Variants in RSRC2 observed in about 807,000 individuals in gnomAD.
The protein encoded by RSRC2 is arginine/serine-rich coiled-coil protein 2.
In RSRC2, 5 loss-of-function variants were observed where a neutral mutation model predicts 61.3. That is an observed-to-expected ratio of 0.08 (90% CI 0.04 to 0.17). The LOEUF (loss-of-function observed/expected upper bound fraction) is 0.17. Ranked by LOEUF, RSRC2 falls within the 10% of genes least tolerant of loss-of-function variation. The pLI is 1.00. For synonymous variants in RSRC2, 202 were observed against 166.5 expected (o/e 1.21, Z -1.64); for missense variants, 381 against 518.8 (o/e 0.73, Z 2.58).
chr12:122,519,376 AG>A (rs1959156916), intron 3 of RSRC2: 2 of 160,798 alleles, frequency 1.2e-5, no homozygotes, highest in South Asian at 2.8e-4. Flanking sequence ...TTCTAAATCC[AG>A]ATTACATAAT....
In RSRC2 at chr12:122,518,855, A is replaced by T; in HGVS notation, c.382T>A (p.Ser128Thr). Residue 128 changes from serine (S) to threonine (T), a missense_variant, in exon 4 of 10, where the codon TCT becomes ACT. Around this residue, in one of 4 missense-constraint regions of RSRC2, gnomAD observed 266 missense variants for 270.5 expected, o/e 0.98. Coordinates refer to ENST00000331738, the MANE Select transcript of RSRC2 (RefSeq NM_023012.6). ...KSSRGRSHSR[S>T]RSRERRHRSR... ...ATGACTTACCTTTCACGAGACCTAG[A>T]TCTTGAGTGACTTCTGCCTCTTGAT... 1.2e-6 allele frequency: 2 copies of T among 1,613,932 alleles called. No homozygotes were observed. The highest frequency in any genetic ancestry group is 1.7e-6 in the Non-Finnish European group (2 of 1,179,858).
chr12:122,517,475 T>C (rs1219695804), intron 4 of RSRC2, 45 bp from the exon 5 acceptor site: 1 of 1,611,470 alleles, frequency 6.2e-7, no homozygotes, highest in South Asian at 1.1e-5. Context: ...AAAGTTGTGT[T>C]GTTTCATTTA....
chr12:122,518,754 A>G, intron 4 of RSRC2, 85 bp downstream of exon 4: 2 of 1,059,090 alleles, frequency 1.9e-6, no homozygotes, highest in Non-Finnish European at 2.8e-6. Context: ...CTCCCTAATT[A>G]TGATTTTTTT....
At chr12:122,518,791 TTATG>T in intron 4 of RSRC2, 44 bp downstream of exon 4, 7 of 1,454,866 alleles carry the variant, frequency 4.8e-6, no homozygotes, top group Non-Finnish European at 6.7e-6. Context: ...ATGAGAAACT[TTATG>T]TAACTTGTTA....
intron 7 of RSRC2, among the ~76,000 whole-genome samples, chr12:122,508,952 G>A (rs190385975): frequency 0.012 from 1,775 of 150,878 alleles, 9 homozygotes; most frequent in Non-Finnish European, 0.019. Context: ...GCGAAACTCC[G>A]TATCAAAACA....
intron 7 of RSRC2, among the ~76,000 whole-genome samples, chr12:122,510,120 C>T (rs149216563): frequency 6.7e-4 from 102 of 152,278 alleles, no homozygotes; most frequent in African/African-American, 2.3e-3. Context: ...CTGAGCCAGG[C>T]CTGATAATTT....
At chr12:122,519,383 A>C in intron 3 of RSRC2, 1 of 149,976 alleles carries the variant, frequency 6.7e-6, no homozygotes, top group Non-Finnish European at 1.5e-5. Flanking sequence ...TCCAGATTAC[A>C]TAATGTTAAG....
intron 6 of RSRC2, among the ~76,000 whole-genome samples, chr12:122,514,270 G>GT (rs71085815): frequency 1.4e-3 from 183 of 135,254 alleles, no homozygotes; most frequent in Non-Finnish European, 1.8e-3. Context: ...GTGTGTGTGT[G>GT]TTTTTTTTTT....
At position 122,505,796 on chromosome 12, in the gene RSRC2, T is replaced by G. The variant is rs912379732; in HGVS notation, c.1126-90A>C. ...CTATTTTTTATGTATTTTTTTTTTT[T>G]GAGATGGAGTCTTGCTCTGTTGTCC... On this transcript the variant is annotated intron_variant, in intron 9 of 9. Transcript: ENST00000331738. The G allele has an allele frequency of 5.1e-5, 56 of 1,088,098 alleles. No homozygotes were observed. In the East Asian group the frequency reaches 1.4e-3, roughly 27 times the overall value. The allele number at this position is 1,088,098 out of a possible 1,614,324, so 67.4% of individuals were successfully genotyped here. A position where few individuals can be genotyped will look rare whatever the true frequency, so the allele number is the denominator to read the frequency against.
chr12:122,520,492 A>T (rs370852864), intron 3 of RSRC2: 97 of 1,331,192 alleles, frequency 7.3e-5, no homozygotes, highest in Non-Finnish European at 9.5e-5. Context: ...AGTTTGAATG[A>T]CTAATAGTTA....
intron 4 of RSRC2, among the ~76,000 whole-genome samples, chr12:122,518,541 C>T (rs1350227899): frequency 1.3e-5 from 2 of 150,344 alleles, no homozygotes; most frequent in Non-Finnish European, 3.0e-5. Flanking sequence ...TGCAGTGAGC[C>T]GAGATCATGC....
At chr12:122,525,392 A>T (rs1959997115) in intron 1 of RSRC2, among the ~76,000 whole-genome samples, 1 of 152,058 alleles carries the variant, frequency 6.6e-6, no homozygotes, top group Non-Finnish European at 1.5e-5. Context: ...AATACAAAAA[A>T]ACCTGCAACC....
intron 6 of RSRC2, among the ~76,000 whole-genome samples, chr12:122,512,346 A>G (rs1335031401): frequency 2.0e-5 from 3 of 152,226 alleles, no homozygotes; most frequent in Admixed American, 2.0e-4. Context: ...AATGTGGTAT[A>G]AAGGGGACAG....
intron 7 of RSRC2, among the ~76,000 whole-genome samples, chr12:122,509,093 A>T (rs1052307276): frequency 6.6e-6 from 1 of 152,010 alleles, no homozygotes; most frequent in African/African-American, 2.4e-5. Flanking sequence ...GTATTTTTTT[A>T]AATTTATGAA....
intron 1 of RSRC2, chr12:122,523,822 A>C (rs1481293771): frequency 6.6e-6 from 1 of 152,230 alleles, no homozygotes; most frequent in Admixed American, 6.5e-5. Flanking sequence ...TACTTCAACA[A>C]GTATTTACTA....
intron 2 of RSRC2, 130 bp downstream of exon 2, chr12:122,522,013 A>G (rs1483886914): frequency 1.6e-5 from 15 of 958,204 alleles, no homozygotes; most frequent in Non-Finnish European, 2.1e-5. Flanking sequence ...TTGGCCTCCC[A>G]AAGTGCTGGC....
intron 3 of RSRC2, chr12:122,519,754 C>T (rs1032547901): frequency 1.3e-5 from 2 of 152,328 alleles, no homozygotes; most frequent in Non-Finnish European, 2.9e-5. Context: ...TACATACTGC[C>T]CCCACACTTT....
intron 5 of RSRC2, among the ~76,000 whole-genome samples, chr12:122,516,133 T>A (rs868529848): frequency 2.5e-4 from 38 of 152,244 alleles, no homozygotes; most frequent in African/African-American, 7.7e-4. Context: ...AAGTGATAAA[T>A]CATAAAAACC....
Position 122,505,445 on chromosome 12 carries a change from G to C in RSRC2, c.*82C>G. On this transcript the variant is annotated 3_prime_UTR_variant, in exon 10 of 10. Transcript: ENST00000331738. ...GTCAATGCAACACCCATGCAAGCTA[G>C]AGTGCTAGCTGTTTGGTGAACAAGG... 2 of 1,310,562 alleles carry C rather than the reference G, an allele frequency of 1.5e-6. No individual in the cohort carries two copies. The highest frequency in any genetic ancestry group is 1.1e-6 in the Non-Finnish European group (1 of 938,148). 81.2% of individuals were successfully genotyped at this position (1,310,562 alleles called of 1,614,324 possible).
Sources: allele counts gnomAD v4.1 joint callset (sites outside exome capture counted in the v4.1 genomes callset), GRCh38; gene constraint gnomAD v4.1.1; regional missense constraint gnomAD v4.1.1; transcripts MANE v1.5; gene names NCBI Gene and HGNC (gene_info 2026-07-23, HGNC 2026-07-21).